Variants in LEKR1 observed in about 807,000 individuals in gnomAD.
LEKR1 encodes leucine, glutamate and lysine rich 1.
Under a neutral mutation model 72.4 loss-of-function variants are expected in LEKR1, and 59 were observed. That is an observed-to-expected ratio of 0.82 (90% CI 0.66 to 1.01). The LOEUF (loss-of-function observed/expected upper bound fraction) is 1.01, where lower values mean the gene tolerates loss of function less well. LEKR1 is among the 50% of genes least tolerant of loss of function. The pLI, the probability that LEKR1 is intolerant of heterozygous loss-of-function variation, is 0.00. For missense variants in LEKR1, 728 were observed against 759.2 expected, an observed-to-expected ratio of 0.96 and a Z score of 0.48; for synonymous variants, 257 against 263.2, an observed-to-expected ratio of 0.98 and a Z score of 0.23.
intron 1 of LEKR1, among the ~76,000 whole-genome samples, chr3:156,827,546 T>C (rs564725718): frequency 6.6e-6 from 1 of 152,356 alleles, no homozygotes; most frequent in Non-Finnish European, 1.5e-5. Context: ...ATGGATTGTG[T>C]CTCCTTGGCT....
At position 157,043,360 on chromosome 3, in the gene LEKR1, T is replaced by A. The variant is rs148034543; in HGVS notation, c.1669-1980T>A. Among the ~76,000 whole-genome samples the A allele has an allele frequency of 7.2e-5, 11 of 152,204 alleles. No individual in the cohort carries two copies. In the East Asian group the frequency reaches 2.1e-3, roughly 29 times the overall value. On this transcript the variant is annotated intron_variant, in intron 12 of 12. Transcript: ENST00000356539. The stretch of plus-strand genomic sequence containing the variant: ...TTACTCTACTAGTAGGCAAAAAATA[T>A]AATGGATTGGGTCTTCCCCCCACTT...
chr3:156,914,936 CT>C (rs926386264), intron 3 of LEKR1, among the ~76,000 whole-genome samples: 34 of 152,054 alleles, frequency 2.2e-4, no homozygotes, highest in Admixed American at 1.5e-3. Context: ...TCTTTTCCCC[CT>C]TCCACCCTCC....
intron 12 of LEKR1, among the ~76,000 whole-genome samples, chr3:157,031,575 G>A (rs1734613575): frequency 6.6e-6 from 1 of 152,120 alleles, no homozygotes; most frequent in South Asian, 2.1e-4. Flanking sequence ...GCCAATAAAA[G>A]GGATAGGATT....
At chr3:157,002,950 A>G (rs1407976835) in intron 9 of LEKR1, among the ~76,000 whole-genome samples, 2 of 152,136 alleles carry the variant, frequency 1.3e-5, no homozygotes, top group Non-Finnish European at 2.9e-5. Flanking sequence ...TTTGGAATGG[A>G]TTCTACTTTT....
chr3:156,916,272 A>T (rs528146737), intron 3 of LEKR1, among the ~76,000 whole-genome samples: 312 of 151,966 alleles, frequency 2.1e-3, no homozygotes, highest in Non-Finnish European at 3.7e-3. Context: ...TATGTATTTT[A>T]AAATAGTTTT....
intron 2 of LEKR1, among the ~76,000 whole-genome samples, chr3:156,843,734 A>T (rs1714226010): frequency 6.6e-6 from 1 of 152,144 alleles, no homozygotes; most frequent in African/African-American, 2.4e-5. Flanking sequence ...CACTGTGGCT[A>T]GGTTCAGATT....
chr3:156,944,295 G>A (rs1475073046), intron 6 of LEKR1, among the ~76,000 whole-genome samples: 1 of 151,606 alleles, frequency 6.6e-6, no homozygotes, highest in Non-Finnish European at 1.5e-5. Context: ...CATAGTAGGG[G>A]TATATATTTA....
At chr3:156,979,792 C>G (rs1378925368) in intron 7 of LEKR1, 1 of 152,182 alleles carries the variant, frequency 6.6e-6, no homozygotes, top group African/African-American at 2.4e-5. Flanking sequence ...ATCAAGAACA[C>G]TATTTCTTTT....
At chr3:156,852,024 A>G (rs1184041648) in intron 2 of LEKR1, 3 of 152,222 alleles carry the variant, frequency 2.0e-5, no homozygotes, top group Non-Finnish European at 2.9e-5. Flanking sequence ...AGGAAGGAAG[A>G]GGATCTATCC....
intron 9 of LEKR1, among the ~76,000 whole-genome samples, chr3:156,995,431 T>C (rs1218956393): frequency 1.3e-5 from 2 of 152,238 alleles, no homozygotes; most frequent in Non-Finnish European, 2.9e-5. Context: ...TTTCTTGTAT[T>C]ATTGCCCTTG....
intron 10 of LEKR1, among the ~76,000 whole-genome samples, chr3:157,020,774 G>A (rs1226597000): frequency 1.3e-5 from 2 of 151,898 alleles, no homozygotes; most frequent in Non-Finnish European, 2.9e-5. Context: ...CATGATTTAT[G>A]GTCCTTTGGG....
At chr3:156,922,617 C>A (rs983832287) in intron 4 of LEKR1, among the ~76,000 whole-genome samples, 2 of 152,100 alleles carry the variant, frequency 1.3e-5, no homozygotes, top group Non-Finnish European at 2.9e-5. Flanking sequence ...CTTTCATGAT[C>A]TGTGTTTTCC....
At chr3:156,903,543 A>AG (rs1056228010) in intron 3 of LEKR1, among the ~76,000 whole-genome samples, 3 of 152,168 alleles carry the variant, frequency 2.0e-5, no homozygotes, top group Non-Finnish European at 2.9e-5. Flanking sequence ...GAACTAGCTT[A>AG]GGCAAAAAGT....
At chr3:157,038,858 G>A (rs954055451) in intron 12 of LEKR1, among the ~76,000 whole-genome samples, 1 of 152,156 alleles carries the variant, frequency 6.6e-6, no homozygotes, top group African/African-American at 2.4e-5. Context: ...ACATCTGAAT[G>A]TTCACATGAA....
At chr3:156,855,505 A>G (rs1450349575) in intron 3 of LEKR1, among the ~76,000 whole-genome samples, 1 of 152,176 alleles carries the variant, frequency 6.6e-6, no homozygotes, top group East Asian at 1.9e-4. Flanking sequence ...TGCTTTTAAT[A>G]TAATATTGGC....
At chr3:156,925,645 C>G (rs1413663642) in intron 4 of LEKR1, among the ~76,000 whole-genome samples, 1 of 151,974 alleles carries the variant, frequency 6.6e-6, no homozygotes, top group Non-Finnish European at 1.5e-5. Flanking sequence ...GGACTTCCTT[C>G]CAAGGTTCTG....
At chr3:157,019,224 A>G (rs906289931) in intron 10 of LEKR1, among the ~76,000 whole-genome samples, 1 of 152,202 alleles carries the variant, frequency 6.6e-6, no homozygotes, top group Non-Finnish European at 1.5e-5. Context: ...ATAAATGGTC[A>G]TATTATAACA....
At chr3:156,887,711 T>C (rs1044430842) in intron 3 of LEKR1, among the ~76,000 whole-genome samples, 6 of 152,134 alleles carry the variant, frequency 3.9e-5, no homozygotes, top group African/African-American at 1.4e-4. Flanking sequence ...ATCATTTTTA[T>C]TAGCGCTCAA....
At chr3:157,026,629 C>T (rs1372218488) in intron 11 of LEKR1, among the ~76,000 whole-genome samples, 2 of 152,146 alleles carry the variant, frequency 1.3e-5, no homozygotes, top group East Asian at 3.8e-4. Flanking sequence ...ACAAGTTATT[C>T]TTTCTGTAAA....
Sources: allele counts gnomAD v4.1 joint callset (sites outside exome capture counted in the v4.1 genomes callset), GRCh38; gene constraint gnomAD v4.1.1; transcripts MANE v1.5; gene names NCBI Gene and HGNC (gene_info 2026-07-23, HGNC 2026-07-21).